RFX2: variants seen among roughly 807,000 people sequenced by gnomAD.
RFX2 encodes the protein regulatory factor X2.
In RFX2, 20 loss-of-function variants were observed where a neutral mutation model predicts 87.8. The observed-to-expected ratio is 0.23, with a 90% CI of 0.16 to 0.33. The LOEUF (loss-of-function observed/expected upper bound fraction) is 0.33. RFX2 is among the 10% of genes least tolerant of loss of function. RFX2 has a pLI of 1.00. For synonymous variants in RFX2, 397 were observed against 431.3 expected (o/e 0.92, Z 0.98); for missense variants, 767 against 1,012.3 (o/e 0.76, Z 3.29).
At chr19:6,025,124 A>G (rs10423666) in intron 6 of RFX2, among the ~76,000 whole-genome samples, 25,079 of 152,190 alleles carry the variant, frequency 0.16, 6,499 homozygotes, top group African/African-American at 0.55. Context: ...GATGCCGAAC[A>G]CATTTCCAGC....
chr19:6,103,197 T>A (rs543218989), intron 1 of RFX2, among the ~76,000 whole-genome samples: 5 of 152,368 alleles, frequency 3.3e-5, no homozygotes, highest in African/African-American at 1.2e-4. Context: ...ACATGGACTG[T>A]AGCAGGTGTA....
At position 5,999,396 on chromosome 19, in the gene RFX2, C is replaced by T. The variant is rs1258847365; in HGVS notation, c.1860-2183G>A. Among the ~76,000 whole-genome samples the T allele has an allele frequency of 2.0e-5, 3 of 152,100 alleles. No homozygotes were observed. The highest frequency in any genetic ancestry group is 2.1e-4 in the South Asian group (1 of 4,830). On this transcript the variant is annotated intron_variant, in intron 15 of 17. Coordinates refer to ENST00000303657, the MANE Select transcript of RFX2 (RefSeq NM_000635.4). This position sits in a 1 kb window ranked among gnomAD's most constrained non-coding sequence, Gnocchi z 4.1. ...CTGGCTGGCAGGCACCTCAGTCCTG[C>T]GCTCACTCTGCTCTTCTCAATTCTT...
chr19:6,043,633 A>G (rs750884303), intron 3 of RFX2, among the ~76,000 whole-genome samples: 2 of 152,226 alleles, frequency 1.3e-5, no homozygotes, highest in Non-Finnish European at 2.9e-5. Flanking sequence ...GGCAGAATTG[A>G]GTGGTTGTTC....
intron 1 of RFX2, chr19:6,109,280 G>A (rs1568201552): frequency 6.6e-6 from 1 of 152,152 alleles, no homozygotes; most frequent in Non-Finnish European, 1.5e-5. Context: ...CACGTGGAAA[G>A]ACTGGCGGAC....
At chr19:6,106,600 C>T (rs2088220954) in intron 1 of RFX2, among the ~76,000 whole-genome samples, 1 of 151,956 alleles carries the variant, frequency 6.6e-6, no homozygotes. Context: ...AGTGGGAATG[C>T]CCTGGACCCA....
intron 1 of RFX2, among the ~76,000 whole-genome samples, chr19:6,099,607 C>T (rs2088085865): frequency 6.6e-6 from 1 of 151,974 alleles, no homozygotes; most frequent in South Asian, 2.1e-4. Flanking sequence ...CATTCACTCA[C>T]ATGTTAAATA....
intron 13 of RFX2, among the ~76,000 whole-genome samples, chr19:6,003,681 A>G (rs919420384): frequency 3.4e-5 from 5 of 145,736 alleles, no homozygotes; most frequent in Admixed American, 7.0e-5. Flanking sequence ...CGGGAGGCTG[A>G]GGCAGGAGAA....
chr19:6,038,502 AT>A (rs977844462), intron 5 of RFX2, among the ~76,000 whole-genome samples: 4 of 150,574 alleles, frequency 2.7e-5, no homozygotes, highest in Admixed American at 6.6e-5. Context: ...CAAAATTAAA[AT>A]TTTTTTTTTC....
chr19:6,095,405 G>T (rs569500355), intron 1 of RFX2, among the ~76,000 whole-genome samples: 3 of 152,246 alleles, frequency 2.0e-5, no homozygotes, highest in African/African-American at 7.2e-5. Flanking sequence ...GTTAGACATG[G>T]CCTCTATCCT....
At position 6,063,284 on chromosome 19, in the gene RFX2, G is replaced by T. The variant is rs959599191; in HGVS notation, c.-8-15780C>A. 2.0e-5 allele frequency among the ~76,000 whole-genome samples: 3 copies of T among 152,256 alleles called. No individual in the cohort carries two copies. The highest frequency in any genetic ancestry group is 7.2e-5 in the African/African-American group (3 of 41,558). On this transcript the variant is annotated intron_variant, in intron 1 of 17. Transcript: ENST00000303657. The surrounding 1 kb of genome is among the most constrained non-coding windows in gnomAD (Gnocchi z 4.0). ...GCCTGCCAGACCCCCAGGCCTGAGC[G>T]CCAGCCCTTCACTGATCAGCTAGCC... is the stretch of plus-strand genomic sequence containing the variant.
chr19:6,109,966 G>C (rs1156797849), intron 1 of RFX2, among the ~76,000 whole-genome samples: 1 of 151,674 alleles, frequency 6.6e-6, no homozygotes, highest in East Asian at 1.9e-4. Flanking sequence ...AGGGGTCCTT[G>C]GGTGCCCCCA....
chr19:6,009,570 GTTCT>G (rs989508980), intron 9 of RFX2, among the ~76,000 whole-genome samples: 7 of 152,010 alleles, frequency 4.6e-5, no homozygotes, highest in African/African-American at 1.4e-4. Context: ...AATATCTAGC[GTTCT>G]TTCTTTTTTT....
intron 1 of RFX2, among the ~76,000 whole-genome samples, chr19:6,049,508 A>G (rs1401098603): frequency 6.6e-6 from 1 of 152,202 alleles, no homozygotes; most frequent in Non-Finnish European, 1.5e-5. Flanking sequence ...GCATTTACAC[A>G]TGAATGTGTT....
At chr19:6,096,087 C>T (rs979064376) in intron 1 of RFX2, among the ~76,000 whole-genome samples, 2 of 152,164 alleles carry the variant, frequency 1.3e-5, no homozygotes, top group African/African-American at 4.8e-5. Context: ...TTGCTGATCC[C>T]CACTTCCTTG....
rs1008275969 is a variant in RFX2, at chr19:6,012,383, C to T, written c.899+603G>A. Among the ~76,000 whole-genome samples the T allele has an allele frequency of 3.3e-5, 5 of 152,034 alleles. No individual in the cohort carries two copies. The highest frequency in any genetic ancestry group is 5.9e-5 in the Non-Finnish European group (4 of 68,024). ...GGGAACGGGGAAACTGTGGGGATGG[C>T]AGAAGGATTAGAGGTTGCTGCAGAC... is the stretch of plus-strand genomic sequence containing the variant. On this transcript the variant is annotated intron_variant, in intron 8 of 17. Transcript: ENST00000303657. This position sits in a 1 kb window ranked among gnomAD's most constrained non-coding sequence, Gnocchi z 4.6.
intron 1 of RFX2, among the ~76,000 whole-genome samples, chr19:6,059,763 A>C (rs1409257332): frequency 6.6e-6 from 1 of 152,206 alleles, no homozygotes; most frequent in African/African-American, 2.4e-5. Flanking sequence ...ACACATGTAC[A>C]TACATGTATA....
intron 1 of RFX2, among the ~76,000 whole-genome samples, chr19:6,091,976 A>G (rs2087942551): frequency 6.6e-6 from 1 of 152,252 alleles, no homozygotes; most frequent in Admixed American, 6.5e-5. Context: ...ACCCTGGAGA[A>G]TAAAGGAGCA....
At position 6,013,978 on chromosome 19, in the gene RFX2, T is replaced by C. The variant is rs1448118423; in HGVS notation, c.780-873A>G. 6.6e-6 allele frequency among the ~76,000 whole-genome samples: 1 copy of C among 152,156 alleles called. No homozygotes were observed. The highest frequency in any genetic ancestry group is 1.5e-5 in the Non-Finnish European group (1 of 68,034). On this transcript the variant is annotated intron_variant, in intron 7 of 17. Transcript: ENST00000303657. The surrounding 1 kb of genome is among the most constrained non-coding windows in gnomAD (Gnocchi z 4.1). Reference sequence around the variant, plus strand: ...TATTAACAACTCTTCCCCACCCCCTTCAATCATCTAGTAACACGTTTTGGA... The same window carrying C: ...TATTAACAACTCTTCCCCACCCCCTCCAATCATCTAGTAACACGTTTTGGA...
intron 1 of RFX2, chr19:6,077,118 A>G (rs563817158): frequency 6.6e-5 from 10 of 152,244 alleles, no homozygotes; most frequent in Non-Finnish European, 1.3e-4. Flanking sequence ...CATAACAAAA[A>G]CAGTGATTGA....
Sources: allele counts gnomAD v4.1 joint callset (sites outside exome capture counted in the v4.1 genomes callset), GRCh38; gene constraint gnomAD v4.1.1; non-coding constraint Gnocchi (gnomAD v3.1); transcripts MANE v1.5; gene names NCBI Gene and HGNC (gene_info 2026-07-23, HGNC 2026-07-21).